PARD3B: variants seen among roughly 807,000 people sequenced by gnomAD.
PARD3B encodes the protein par-3 family cell polarity regulator beta.
A neutral mutation model predicts 130.2 loss-of-function variants in PARD3B; 103 were observed. The ratio of observed to expected loss-of-function variants is 0.79; its 90% CI spans 0.67 to 0.93. The LOEUF is 0.93. Among genes scored for constraint, PARD3B ranks in the 40% least tolerant of loss-of-function variants. PARD3B has a pLI of 0.00. For missense variants in PARD3B, 1,609 were observed against 1,499.2 expected (o/e 1.07, Z -1.21); for synonymous variants, 583 against 553.2 (o/e 1.05, Z -0.76).
chr2:204,756,042 A>G (rs2040656188), intron 2 of PARD3B, among the ~76,000 whole-genome samples: 3 of 152,096 alleles, frequency 2.0e-5, no homozygotes, highest in Non-Finnish European at 4.4e-5. Flanking sequence ...AATCAATAGT[A>G]TACGTCCTGG....
At chr2:205,267,944 C>A (rs771517618) in intron 16 of PARD3B, among the ~76,000 whole-genome samples, 3 of 152,124 alleles carry the variant, frequency 2.0e-5, no homozygotes, top group Non-Finnish European at 2.9e-5. Context: ...GGATGTTTTT[C>A]TTAATACTGT....
rs2036504415 is a variant in PARD3B at position 204,675,728 on chromosome 2, T to C, written c.121-10453T>C. 6.6e-6 allele frequency among the ~76,000 whole-genome samples: 1 copy of C among 152,166 alleles called. No homozygotes were observed. Among genetic ancestry groups the C allele is most frequent in the Non-Finnish European group, 1.5e-5 (1 of 68,018 alleles). On this transcript the variant is annotated intron_variant, in intron 1 of 22. Coordinates refer to ENST00000406610, the MANE Select transcript of PARD3B (RefSeq NM_001302769.2). The surrounding 1 kb of genome is among the most constrained non-coding windows in gnomAD (Gnocchi z 4.4). ...TGAAAGTGACATGGGTTAATTAACATTCCTTTAAATATTTAGCTGATATAT... is the reference window on the plus strand; with the variant it reads ...TGAAAGTGACATGGGTTAATTAACACTCCTTTAAATATTTAGCTGATATAT...
At chr2:205,296,876 T>TAA (rs35938355) in intron 16 of PARD3B, among the ~76,000 whole-genome samples, 9 of 145,280 alleles carry the variant, frequency 6.2e-5, no homozygotes, top group African/African-American at 2.2e-4. Context: ...AACATCTTTT[T>TAA]AAAAAAAAAA....
chr2:205,488,286 C>T (rs895084964), intron 20 of PARD3B, among the ~76,000 whole-genome samples: 9 of 152,036 alleles, frequency 5.9e-5, no homozygotes, highest in Non-Finnish European at 2.9e-5. Context: ...GGTTGGGGAA[C>T]ACAGGGCCAG....
intron 16 of PARD3B, among the ~76,000 whole-genome samples, chr2:205,277,799 G>C (rs1180394777): frequency 6.6e-6 from 1 of 152,168 alleles, no homozygotes; most frequent in Non-Finnish European, 1.5e-5. Context: ...ATCATCCCGA[G>C]GAGTTTGGAC....
At chr2:204,553,611 T>A (rs1456933061) in intron 1 of PARD3B, among the ~76,000 whole-genome samples, 31 of 134,238 alleles carry the variant, frequency 2.3e-4, no homozygotes, top group Non-Finnish European at 4.7e-5. Flanking sequence ...TGTATATATA[T>A]GGCTATATAC....
chr2:205,243,104 T>C (rs2039424653), intron 15 of PARD3B, among the ~76,000 whole-genome samples: 1 of 151,936 alleles, frequency 6.6e-6, no homozygotes, highest in African/African-American at 2.4e-5. Context: ...AAGTGGAGGT[T>C]GCAGTGAGAC....
At chr2:204,762,402 G>T (rs1400078798) in intron 2 of PARD3B, among the ~76,000 whole-genome samples, 1 of 151,996 alleles carries the variant, frequency 6.6e-6, no homozygotes, top group Non-Finnish European at 1.5e-5. Context: ...AGGATTACAG[G>T]CATGAGCCAC....
chr2:204,612,219 G>A (rs550531113), intron 1 of PARD3B, among the ~76,000 whole-genome samples: 2 of 152,336 alleles, frequency 1.3e-5, no homozygotes, highest in East Asian at 1.9e-4. Flanking sequence ...TTGTTGCCTC[G>A]ATGTAGAATG....
At chr2:204,763,497 G>C (rs1016337) in intron 2 of PARD3B, among the ~76,000 whole-genome samples, 117,599 of 152,134 alleles carry the variant, frequency 0.77, 45,647 homozygotes, top group East Asian at 0.88. Flanking sequence ...TTTTTCCGAA[G>C]AGCTACTAAA....
chr2:204,967,400 G>A lies in PARD3B; in HGVS notation c.394+2077G>A, dbSNP rs1213343720. Among the ~76,000 whole-genome samples, 1 of 152,144 alleles carries A rather than the reference G, an allele frequency of 6.6e-6. No homozygotes were observed. Among genetic ancestry groups the A allele is most frequent in the African/African-American group, 2.4e-5 (1 of 41,426 alleles). On this transcript the variant is annotated intron_variant, in intron 3 of 22. Coordinates refer to ENST00000406610, the MANE Select transcript of PARD3B (RefSeq NM_001302769.2). This position sits in a 1 kb window ranked among gnomAD's most constrained non-coding sequence, Gnocchi z 4.4. ...ACTGACCTCTTTCTTTACACTGTGT[G>A]CTTTCTCCAGTCCCTACTGTTGCCA...
chr2:204,699,957 G>T (rs905545738), intron 2 of PARD3B, among the ~76,000 whole-genome samples: 9 of 152,000 alleles, frequency 5.9e-5, no homozygotes, highest in Non-Finnish European at 1.3e-4. Flanking sequence ...TTTTTTATAT[G>T]TATATACACT....
chr2:205,549,385 A>G (rs894035929), intron 21 of PARD3B, among the ~76,000 whole-genome samples: 3 of 152,208 alleles, frequency 2.0e-5, no homozygotes, highest in African/African-American at 7.2e-5. Context: ...GGAGGCAACT[A>G]AGATGTATTT....
intron 15 of PARD3B, among the ~76,000 whole-genome samples, chr2:205,201,128 T>G (rs529298541): frequency 6.6e-6 from 1 of 152,284 alleles, no homozygotes; most frequent in South Asian, 2.1e-4. Context: ...AGAAACCATG[T>G]TTAGTAAAAA....
At chr2:205,334,200 G>T (rs1323284714) in intron 18 of PARD3B, among the ~76,000 whole-genome samples, 1 of 152,186 alleles carries the variant, frequency 6.6e-6, no homozygotes, top group Non-Finnish European at 1.5e-5. Flanking sequence ...ATAACTGTGT[G>T]TATGTGTGCA....
intron 16 of PARD3B, among the ~76,000 whole-genome samples, chr2:205,256,455 A>C (rs2105744003): frequency 6.6e-6 from 1 of 152,292 alleles, no homozygotes; most frequent in African/African-American, 2.4e-5. Flanking sequence ...AGGAATGCAA[A>C]CAGTGACAAT....
At chr2:205,505,955 G>A (rs947485946) in intron 21 of PARD3B, among the ~76,000 whole-genome samples, 13 of 152,222 alleles carry the variant, frequency 8.5e-5, no homozygotes, top group Admixed American at 7.9e-4. Context: ...GGTTGGGAAG[G>A]GAGTACATTT....
chr2:205,537,358 G>C (rs2051909079), intron 21 of PARD3B, among the ~76,000 whole-genome samples: 2 of 152,162 alleles, frequency 1.3e-5, no homozygotes, highest in South Asian at 4.1e-4. Flanking sequence ...TGGCTTCTTT[G>C]CATAGAAATA....
intron 2 of PARD3B, among the ~76,000 whole-genome samples, chr2:204,869,242 G>A (rs1027710054): frequency 6.6e-6 from 1 of 152,084 alleles, no homozygotes; most frequent in Non-Finnish European, 1.5e-5. Flanking sequence ...TCAAACTTAT[G>A]TGTGGAATCC....
Sources: gnomAD v4.1 joint callset for allele counts (sites outside exome capture counted in the v4.1 genomes callset) on GRCh38, gnomAD v4.1.1 for gene constraint, Gnocchi (gnomAD v3.1) non-coding constraint, MANE v1.5 for transcripts, NCBI Gene and HGNC (gene_info 2026-07-23, HGNC 2026-07-21) for gene names.